The following QARS1 variants were observed in gnomAD, a reference collection of about 807,000 sequenced individuals.
QARS1 encodes glutamine--tRNA ligase.
Under a neutral mutation model 106.9 loss-of-function variants are expected in QARS1, and 79 were observed. The observed-to-expected ratio is 0.74, with a 90% CI of 0.62 to 0.89. The LOEUF is 0.89. Among genes scored for constraint, QARS1 ranks in the 40% least tolerant of loss-of-function variants. The probability of loss-of-function intolerance (pLI) is 0.00; values close to 1 mark genes in which losing one functional copy is unlikely to be tolerated. For synonymous variants in QARS1, 395 were observed against 367.7 expected, an observed-to-expected ratio of 1.07 and a Z score of -0.85; for missense variants, 966 against 997.2, an observed-to-expected ratio of 0.97 and a Z score of 0.42.
chr3:49,097,738 G>A (rs1239327062), intron 23 of QARS1, among the ~76,000 whole-genome samples: 1 of 152,138 alleles, frequency 6.6e-6, no homozygotes, highest in Non-Finnish European at 1.5e-5. Context: ...AGAGGTTGCA[G>A]TGAGCCGAGA....
rs752323408 is a variant in QARS1, at chr3:49,099,758, C to T, written c.1388+3G>A. On this transcript the variant is annotated splice_donor_region_variant and intron_variant, in intron 15 of 23. Coordinates refer to ENST00000306125, the MANE Select transcript of QARS1 (RefSeq NM_005051.3). ...TACCACCCCATGGACCCAGCTCCCT[C>T]ACCGGGCCTGGAATTCCTTGGTGCA... 6.2e-7 allele frequency: 1 copy of T among 1,613,978 alleles called. No individual in the cohort carries two copies. The highest frequency in any genetic ancestry group is 1.3e-5 in the African/African-American group (1 of 75,020).
chr3:49,103,779 T>C, intron 3 of QARS1, 73 bp from the exon 4 acceptor site: 1 of 1,594,340 alleles, frequency 6.3e-7, no homozygotes, highest in Middle Eastern at 1.7e-4. Context: ...ACCCTCACTC[T>C]GGGTCTTCCT....
chr3:49,102,282 G>C lies in QARS1; in HGVS notation c.571-17C>G, dbSNP rs773560133. 1 of 1,614,062 alleles carries C rather than the reference G, an allele frequency of 6.2e-7. No individual in the cohort carries two copies. The highest frequency in any genetic ancestry group is 1.3e-5 in the African/African-American group (1 of 74,928). The stretch of plus-strand genomic sequence containing the variant: ...TTTTGCCACCTGAAAGAAGCCCCAG[G>C]TGCTTCAGAAAATGGCATCAAATTT... On this transcript the variant is annotated splice_polypyrimidine_tract_variant and intron_variant, in intron 6 of 23. Transcript: ENST00000306125.
At chr3:49,101,477 C>G (rs772182410) in intron 9 of QARS1, 36 bp from the exon 10 acceptor site, 1 of 1,593,028 alleles carries the variant, frequency 6.3e-7, no homozygotes, top group Admixed American at 1.7e-5. Context: ...GAAATAAAGT[C>G]TGAGCTCAGA....
intron 23 of QARS1, among the ~76,000 whole-genome samples, chr3:49,096,798 C>CAAAA (rs770587253): frequency 0.024 from 338 of 14,158 alleles, 100 homozygotes; most frequent in Non-Finnish European, 0.031. Context: ...GACTCCGTCT[C>CAAAA]AAAAAAAAAA....
Position 49,102,476 on chromosome 3 carries a change from A to G in QARS1, c.517-4T>C. On this transcript the variant is annotated splice_region_variant and splice_polypyrimidine_tract_variant and intron_variant, in intron 5 of 23. Coordinates refer to ENST00000306125, the MANE Select transcript of QARS1 (RefSeq NM_005051.3). ...TGGGGCCCAGAAGGTGGAGGACCTG[A>G]GCAGAGACCAGAATCAGGCAGAGGC... 3 of 1,614,108 alleles carry G rather than the reference A, an allele frequency of 1.9e-6. No homozygotes were observed. Among genetic ancestry groups the G allele is most frequent in the Non-Finnish European group, 2.5e-6 (3 of 1,180,014 alleles).
In QARS1 at chr3:49,099,787, T is replaced by C. The variant is rs755542401; in HGVS notation, c.1362A>G (p.Ser454=). 1.5e-4 allele frequency: 236 copies of C among 1,613,484 alleles called. 2 individuals carry two copies. The highest frequency in any genetic ancestry group is 1.9e-4 in the Non-Finnish European group (226 of 1,179,876). Residue 454 remains serine (S), a synonymous_variant, in exon 15 of 24, where the codon TCA becomes TCG. Transcript: ENST00000306125. The part of the protein sequence containing the change: ...LCDSIEHITH[S]LCTKEFQARR... ...GGGCCTGGAATTCCTTGGTGCAGAG[T>C]GAGTGAGTGATGTGCTCGATGGAGT... is the stretch of plus-strand genomic sequence containing the variant.
chr3:49,104,654 G>A lies in QARS1; in HGVS notation c.80C>T (p.Ser27Leu). Reference protein sequence around the residue: ...EQKARETLKNSALSAQLREAA... With the variant: ...EQKARETLKNLALSAQLREAA... Reference sequence around the variant, plus strand: ...CTCGCGCAGCTGCGCGCTCAGAGCCGAGTTCTTGAGCGTCTCGCGGGCCTT... The same window carrying A: ...CTCGCGCAGCTGCGCGCTCAGAGCCAAGTTCTTGAGCGTCTCGCGGGCCTT... Residue 27 changes from serine (S) to leucine (L), a missense_variant, in exon 1 of 24, where the codon TCG (serine) becomes TTG (leucine). Ser to Leu is a moderately radical substitution (Grantham distance 145). Transcript: ENST00000306125. 6.2e-7 allele frequency: 1 copy of A among 1,608,832 alleles called. No individual in the cohort carries two copies. The highest frequency in any genetic ancestry group is 8.5e-7 in the Non-Finnish European group (1 of 1,176,240).
rs2042440681 is a variant in QARS1, at chr3:49,099,651, G to C, written c.1389-4C>G. The C allele has an allele frequency of 6.2e-7, 1 of 1,613,940 alleles. No individual in the cohort carries two copies. Among genetic ancestry groups the C allele is most frequent in the African/African-American group, 1.3e-5 (1 of 74,898 alleles). On this transcript the variant is annotated splice_region_variant and splice_polypyrimidine_tract_variant and intron_variant, in intron 15 of 23. Coordinates refer to ENST00000306125, the MANE Select transcript of QARS1 (RefSeq NM_005051.3). ...AAGCCAGAAGTAGGAAGAGCGTCTG[G>C]GGTGGGAGAGTAGGGTTAGCACTGG...
rs112821749 is a variant in QARS1 at position 49,103,139 on chromosome 3, G to C, written c.516+206C>G. On this transcript the variant is annotated intron_variant, in intron 5 of 23. Coordinates refer to ENST00000306125, the MANE Select transcript of QARS1 (RefSeq NM_005051.3). Reference sequence around the variant, plus strand: ...TGTCTGGCTAATTTTTAAATTTTCTGTAGAGAGGAGTTCTCAATATGTTGC... The same window carrying C: ...TGTCTGGCTAATTTTTAAATTTTCTCTAGAGAGGAGTTCTCAATATGTTGC... Among the ~76,000 whole-genome samples the C allele has an allele frequency of 6.6e-5, 10 of 152,108 alleles. 2 individuals carry two copies. The highest frequency in any genetic ancestry group is 2.4e-4 in the African/African-American group (10 of 41,462).
intron 15 of QARS1, 42 bp from the exon 16 acceptor site, chr3:49,099,689 C>G: frequency 6.2e-7 from 1 of 1,612,114 alleles, no homozygotes; most frequent in African/African-American, 1.3e-5. Flanking sequence ...AGCTCTGGAA[C>G]CAGGCAGAGA....
At chr3:49,104,595 C>T in intron 1 of QARS1, 22 bp downstream of exon 1, 4 of 1,597,320 alleles carry the variant, frequency 2.5e-6, no homozygotes, top group Non-Finnish European at 3.4e-6. Context: ...GCAAACCAGG[C>T]CGGGGGCAGA....
Position 49,099,761 on chromosome 3 carries a change from C to A in QARS1, c.1388G>T (p.Arg463Leu). 6.2e-7 allele frequency: 1 copy of A among 1,613,922 alleles called. No homozygotes were observed. Among genetic ancestry groups the A allele is most frequent in the Non-Finnish European group, 8.5e-7 (1 of 1,179,920 alleles). Residue 463 changes from arginine (R) to leucine (L), a missense_variant and splice_region_variant, in exon 15 of 24, where the codon CGA (arginine) becomes CTA (leucine). Coordinates refer to ENST00000306125, the MANE Select transcript of QARS1 (RefSeq NM_005051.3). The part of the protein sequence containing the change: ...HSLCTKEFQA[R>L]RSSYFWLCNA... ...CACCCCATGGACCCAGCTCCCTCACCGGGCCTGGAATTCCTTGGTGCAGAG... is the reference window on the plus strand; with the variant it reads ...CACCCCATGGACCCAGCTCCCTCACAGGGCCTGGAATTCCTTGGTGCAGAG...
intron 11 of QARS1, 57 bp downstream of exon 11, chr3:49,100,518 T>C: frequency 6.2e-7 from 1 of 1,600,520 alleles, no homozygotes; most frequent in Non-Finnish European, 8.6e-7. Flanking sequence ...GGGCAGGCCA[T>C]GGCCCAAGGA....
At chr3:49,099,731 C>T (rs1440394393) in intron 15 of QARS1, 30 bp downstream of exon 15, 1 of 1,613,586 alleles carries the variant, frequency 6.2e-7, no homozygotes, top group Admixed American at 1.7e-5. Context: ...TTCCACTGGC[C>T]CTACCACCCC....
In QARS1 at chr3:49,095,991, A is replaced by G; in HGVS notation, c.*38T>C. Reference sequence around the variant, plus strand: ...AATTTGGGGTGGCGAGGGTAGCCACACCCTCCAGGAGGATGAGGTAGGTTC... The same window carrying G: ...AATTTGGGGTGGCGAGGGTAGCCACGCCCTCCAGGAGGATGAGGTAGGTTC... On this transcript the variant is annotated 3_prime_UTR_variant, in exon 24 of 24. Transcript: ENST00000306125. The G allele has an allele frequency of 6.2e-7, 1 of 1,604,380 alleles. No individual in the cohort carries two copies.
Position 49,098,076 on chromosome 3 carries a change from A to G in QARS1, c.2193T>C (p.Ser731=), listed in dbSNP as rs1449000257. ...TGTCGAAGGGTTTTGCCAGGGCCAC[A>G]GAGCAGTCCACTAATGCTGCATCCA... ...HVVDAALVDC[S]VALAKPFDKF... Residue 731 remains serine, a synonymous_variant, in exon 23 of 24, where the codon TCT becomes TCC. Transcript: ENST00000306125. 10 of 1,614,100 alleles carry G rather than the reference A, an allele frequency of 6.2e-6. No individual in the cohort carries two copies. Among genetic ancestry groups the G allele is most frequent in the Non-Finnish European group, 7.6e-6 (9 of 1,180,048 alleles).
Position 49,100,262 on chromosome 3 carries a change from C to A in QARS1, c.1092G>T (p.Glu364Asp), listed in dbSNP as rs2042451619. The A allele has an allele frequency of 6.2e-7, 1 of 1,614,240 alleles. No homozygotes were observed. The highest frequency in any genetic ancestry group is 8.5e-7 in the Non-Finnish European group (1 of 1,180,048). ...AAGGCAGAGTATTATGGCCTTTGAGCTCCTCTCCTCGCTGGTGGCACACAT... is the reference window on the plus strand; with the variant it reads ...AAGGCAGAGTATTATGGCCTTTGAGATCCTCTCCTCGCTGGTGGCACACAT... ...LAYVCHQRGE[E>D]LKGHNTLPSP... Residue 364 changes from glutamate (E) to aspartate (D), a missense_variant, in exon 13 of 24, where the codon GAG becomes GAT. Physicochemically the swap from Glu to Asp is conservative, Grantham distance 45. Coordinates refer to ENST00000306125, the MANE Select transcript of QARS1 (RefSeq NM_005051.3).
chr3:49,099,507 T>C lies in QARS1; in HGVS notation c.1526+3A>G, dbSNP rs781035415. The C allele has an allele frequency of 6.2e-7, 1 of 1,614,072 alleles. No individual in the cohort carries two copies. The highest frequency in any genetic ancestry group is 8.5e-7 in the Non-Finnish European group (1 of 1,180,028). On this transcript the variant is annotated splice_donor_region_variant and intron_variant, in intron 16 of 23. Coordinates refer to ENST00000306125, the MANE Select transcript of QARS1 (RefSeq NM_005051.3). ...CTTTCATAAGCCAAACAGCCGCACC[T>C]ACCGCACAGCACCAGTTGCTACAAG...
Sources: allele counts gnomAD v4.1 joint callset (sites outside exome capture counted in the v4.1 genomes callset), GRCh38; gene constraint gnomAD v4.1.1; transcripts MANE v1.5; gene names NCBI Gene and HGNC (gene_info 2026-07-23, HGNC 2026-07-21).